Variants in WFDC1 observed in about 807,000 individuals in gnomAD.
WFDC1 encodes the protein WAP four-disulfide core domain 1, also known as WAP four-disulfide core domain protein 1.
Under a neutral mutation model 32.9 loss-of-function variants are expected in WFDC1, and 39 were observed. The ratio of observed to expected loss-of-function variants is 1.19; its 90% CI spans 0.92 to 1.55. The LOEUF is 1.55. Ranked by LOEUF, WFDC1 falls within the 40% of genes most tolerant of loss-of-function variation. The pLI is 0.00. For missense variants in WFDC1, 386 were observed against 309.5 expected (o/e 1.25, Z -1.85); for synonymous variants, 184 against 137.4 (o/e 1.34, Z -2.37).
In WFDC1 at chr16:84,320,128, C is replaced by T. The variant is rs563570976; in HGVS notation, c.562+557C>T. 2.0e-4 allele frequency among the ~76,000 whole-genome samples: 31 copies of T among 152,256 alleles called. No individual in the cohort carries two copies. In the South Asian group the frequency reaches 5.8e-3, roughly 29 times the overall value. ...ATCCAACCATTCTGTTTTTCACTTT[C>T]AGTATGGTAATCAAATTACACGACA... On this transcript the variant is annotated intron_variant, in intron 4 of 6. Coordinates refer to ENST00000219454, the MANE Select transcript of WFDC1 (RefSeq NM_021197.4).
At chr16:84,318,785 AC>A (rs1299748883) in intron 3 of WFDC1, 4 of 219,610 alleles carry the variant, frequency 1.8e-5, no homozygotes, top group African/African-American at 8.9e-5. Context: ...GCGAGCGGGC[AC>A]CCTTGCACAC....
At chr16:84,324,647 C>T (rs762790032) in intron 5 of WFDC1, among the ~76,000 whole-genome samples, 187 bp downstream of exon 5, 4 of 152,300 alleles carry the variant, frequency 2.6e-5, no homozygotes, top group Non-Finnish European at 5.9e-5. Flanking sequence ...CACAGAGGAG[C>T]TCATGGCAAA....
chr16:84,314,796 T>A (rs1300711734), intron 2 of WFDC1, among the ~76,000 whole-genome samples: 1 of 152,212 alleles, frequency 6.6e-6, no homozygotes, highest in East Asian at 1.9e-4. Context: ...CTGGGTGGAC[T>A]TATCAAAAAT....
chr16:84,295,024 C>A lies in WFDC1; in HGVS notation c.53C>A (p.Ala18Asp). Residue 18 changes from alanine to aspartate, a missense_variant, in exon 1 of 7, where the codon GCT (alanine) becomes GAT (aspartate). Ala to Asp is a moderately radical substitution (Grantham distance 126). Transcript: ENST00000219454. ...AGCTGCAGGAGGCAGATCATCCGGG[C>A]TCTGTGCCTCTTGCTACTTCTCCTC... ...PGSCRRQIIR[A>D]LCLLLLLLHA... 1 of 1,614,236 alleles carries A rather than the reference C, an allele frequency of 6.2e-7. No homozygotes were observed. The highest frequency in any genetic ancestry group is 8.5e-7 in the Non-Finnish European group (1 of 1,180,050).
intron 4 of WFDC1, among the ~76,000 whole-genome samples, chr16:84,322,148 T>TGTGTGTGC (rs1555546117): frequency 1.1e-5 from 1 of 88,360 alleles, no homozygotes; most frequent in East Asian, 3.4e-4. Context: ...TCAGAGCCTG[T>TGTGTGTGC]GTGTGTGTGT....
intron 4 of WFDC1, among the ~76,000 whole-genome samples, chr16:84,323,918 C>T (rs1005167381): frequency 6.6e-6 from 1 of 152,150 alleles, no homozygotes; most frequent in Non-Finnish European, 1.5e-5. Flanking sequence ...GTCAGGAGTT[C>T]GAGGCCAGCC....
rs1017869246 is a variant in WFDC1, at chr16:84,319,647, T to G, written c.562+76T>G. ...TCCCTGTAAGCGCCTCTCACCCGCATGGACGACCTGCCCCAGGAAGCAGCC... is the reference window on the plus strand; with the variant it reads ...TCCCTGTAAGCGCCTCTCACCCGCAGGGACGACCTGCCCCAGGAAGCAGCC... On this transcript the variant is annotated intron_variant, in intron 4 of 6. Transcript: ENST00000219454. 1.2e-5 allele frequency: 18 copies of G among 1,550,556 alleles called. No individual in the cohort carries two copies. In the African/African-American group the frequency reaches 1.9e-4, roughly 16 times the overall value.
rs1342480534 is a variant in WFDC1 at position 84,319,527 on chromosome 16, G to A, written c.518G>A (p.Gly173Asp). The A allele has an allele frequency of 1.2e-6, 2 of 1,613,092 alleles. No individual in the cohort carries two copies. The highest frequency in any genetic ancestry group is 1.7e-5 in the Admixed American group (1 of 60,018). Residue 173 changes from glycine (G) to aspartate (D), a missense_variant, in exon 4 of 7, where the codon GGT becomes GAT. Gly to Asp is a moderately conservative substitution (Grantham distance 94, BLOSUM62 -1). Coordinates refer to ENST00000219454, the MANE Select transcript of WFDC1 (RefSeq NM_021197.4). Reference sequence around the variant, plus strand: ...CTGAGCCCAGGTGACGTGGCCGAAGGTATCCCCAACCGTGGGCAGTGCGTC... The same window carrying A: ...CTGAGCCCAGGTGACGTGGCCGAAGATATCCCCAACCGTGGGCAGTGCGTC... ...HILSPGDVAEGIPNRGQCVKQ... is the reference protein window; with the variant it reads ...HILSPGDVAEDIPNRGQCVKQ...
intron 4 of WFDC1, among the ~76,000 whole-genome samples, chr16:84,321,781 G>T (rs1302144305): frequency 1.3e-5 from 2 of 152,210 alleles, no homozygotes; most frequent in Non-Finnish European, 2.9e-5. Flanking sequence ...GAACCAGGAG[G>T]CAGTGCTGCA....
At chr16:84,318,377 G>T (rs779751244) in intron 3 of WFDC1, 22 bp downstream of exon 3, 6 of 1,612,020 alleles carry the variant, frequency 3.7e-6, no homozygotes, top group Non-Finnish European at 5.1e-6. Context: ...GTAAAGCCCA[G>T]ACCCTACATC....
intron 1 of WFDC1, among the ~76,000 whole-genome samples, chr16:84,306,631 C>G (rs931192499): frequency 2.0e-5 from 3 of 152,190 alleles, no homozygotes; most frequent in African/African-American, 7.2e-5. Flanking sequence ...AGGGCTGCCC[C>G]CACACCTGTG....
chr16:84,318,346 G>A lies in WFDC1; in HGVS notation c.412G>A (p.Val138Met), dbSNP rs11643870. ...CTGGCTCCTGGATGGCCCTGAGGAG[G>A]TGTTACAAGGTACCTGCCGGGTAAA... ...NGWLLDGPEE[V>M]LQAEACSTTE... The change falls in exon 3 of 7, where the codon GTG (valine) becomes ATG (methionine). Residue 138 changes from valine (V) to methionine (M), a missense_variant. Val to Met is a conservative substitution (Grantham distance 21). Transcript: ENST00000219454. 0.011 allele frequency: 18,322 copies of A among 1,614,024 alleles called. 139 individuals are homozygous for A. Among genetic ancestry groups the A allele is most frequent in the Non-Finnish European group, 0.013 (15,825 of 1,179,922 alleles).
chr16:84,299,933 C>G (rs796480265), intron 1 of WFDC1, among the ~76,000 whole-genome samples: 6 of 152,312 alleles, frequency 3.9e-5, no homozygotes, highest in African/African-American at 1.4e-4. Context: ...GGAGGCACCC[C>G]CTGTGCTAAT....
intron 1 of WFDC1, among the ~76,000 whole-genome samples, chr16:84,303,588 T>G (rs1050325195): frequency 6.6e-6 from 1 of 152,228 alleles, no homozygotes; most frequent in African/African-American, 2.4e-5. Context: ...TCTGTCTAGA[T>G]TGTTTCATGA....
At chr16:84,317,931 C>T (rs577257396) in intron 2 of WFDC1, 1 of 254,658 alleles carries the variant, frequency 3.9e-6, no homozygotes, top group Non-Finnish European at 8.1e-6. Context: ...TCCACATGGT[C>T]AGAATGGCCC....
At chr16:84,295,930 C>T (rs1219457482) in intron 1 of WFDC1, 1 of 152,296 alleles carries the variant, frequency 6.6e-6, no homozygotes, top group African/African-American at 2.4e-5. Context: ...ACATCTCTGC[C>T]TGGGGAACTC....
At chr16:84,320,743 G>T (rs1338619392) in intron 4 of WFDC1, among the ~76,000 whole-genome samples, 2 of 152,136 alleles carry the variant, frequency 1.3e-5, no homozygotes, top group Non-Finnish European at 1.5e-5. Flanking sequence ...AGGGGCCCCT[G>T]TCCCCGCTTC....
intron 1 of WFDC1, among the ~76,000 whole-genome samples, chr16:84,309,340 G>C (rs1907470629): frequency 6.6e-6 from 1 of 152,162 alleles, no homozygotes; most frequent in African/African-American, 2.4e-5. Context: ...TTTGTCCCGA[G>C]GGTGCTGGGA....
chr16:84,325,650 C>T (rs1908549691), intron 5 of WFDC1: 1 of 151,956 alleles, frequency 6.6e-6, no homozygotes, highest in African/African-American at 2.4e-5. Context: ...AATCTTTCAT[C>T]CATCCATTTT....
Sources: gnomAD v4.1 joint callset for allele counts (sites outside exome capture counted in the v4.1 genomes callset) on GRCh38, gnomAD v4.1.1 for gene constraint, MANE v1.5 for transcripts, NCBI Gene and HGNC (gene_info 2026-07-23, HGNC 2026-07-21) for gene names.